ACSBG1: variants seen among roughly 807,000 people sequenced by gnomAD.
The protein encoded by ACSBG1 is long-chain-fatty-acid--CoA ligase ACSBG1.
In ACSBG1, 39 loss-of-function variants were observed where a neutral mutation model predicts 80.2. That is an observed-to-expected ratio of 0.49 (90% CI 0.38 to 0.64). ACSBG1 has a LOEUF of 0.64. ACSBG1 is among the 30% of genes least tolerant of loss of function. The probability of loss-of-function intolerance (pLI) is 0.00; values close to 1 mark genes in which losing one functional copy is unlikely to be tolerated. For synonymous variants in ACSBG1, 392 were observed against 379.5 expected (o/e 1.03, Z -0.38); for missense variants, 828 against 966.4 (o/e 0.86, Z 1.90).
chr15:78,207,926 C>CCACCCCCCCCACCCCCA, intron 2 of ACSBG1, 76 bp downstream of exon 2: 1 of 662,148 alleles, frequency 1.5e-6, no homozygotes, highest in Non-Finnish European at 2.7e-6. Context: ...GTCCCCCACA[C>CCACCCCCCCCACCCCCA]CACCCACCCC....
In ACSBG1 at chr15:78,223,237, G is replaced by A. The variant is rs139956914; in HGVS notation, c.131+11134C>T. On this transcript the variant is annotated intron_variant, in intron 1 of 13. Transcript: ENST00000258873. ...GAAGAAGCCACACAGAAATAGAGGC[G>A]CTGAACAATGAGAGCACATGGACAT... is the stretch of plus-strand genomic sequence containing the variant. Among the ~76,000 whole-genome samples the A allele has an allele frequency of 6.0e-3, 868 of 145,252 alleles. 14 individuals are homozygous for A. Among genetic ancestry groups the A allele is most frequent in the African/African-American group, 0.02 (805 of 39,332 alleles).
intron 13 of ACSBG1, 187 bp from the exon 14 acceptor site, chr15:78,171,716 T>C (rs2074825383): frequency 1.8e-6 from 1 of 543,582 alleles, no homozygotes. Flanking sequence ...TGTAGTCTCC[T>C]GTGTTATACC....
chr15:78,178,909 C>T lies in ACSBG1; in HGVS notation c.1485-78G>A. 1 of 1,415,144 alleles carries T rather than the reference C, an allele frequency of 7.1e-7. No individual in the cohort carries two copies. Among genetic ancestry groups the T allele is most frequent in the Non-Finnish European group, 9.5e-7 (1 of 1,054,274 alleles). 87.7% of individuals were successfully genotyped at this position (1,415,144 alleles called of 1,614,324 possible). Reference sequence around the variant, plus strand: ...CCCCACTGGGGAGCCGGGGTCCCAACTGCTCGGTCTTCACTGATTGCTAGA... The same window carrying T: ...CCCCACTGGGGAGCCGGGGTCCCAATTGCTCGGTCTTCACTGATTGCTAGA... On this transcript the variant is annotated intron_variant, in intron 10 of 13. Coordinates refer to ENST00000258873, the MANE Select transcript of ACSBG1 (RefSeq NM_015162.5). This position sits in a 1 kb window ranked among gnomAD's most constrained non-coding sequence, Gnocchi z 4.3.
chr15:78,232,543 T>C (rs2141397360), intron 1 of ACSBG1, among the ~76,000 whole-genome samples: 1 of 152,310 alleles, frequency 6.6e-6, no homozygotes, highest in Non-Finnish European at 1.5e-5. Context: ...CCTGTGGCCC[T>C]GAGCCCCACT....
chr15:78,199,585 G>A (rs924033093), intron 2 of ACSBG1, among the ~76,000 whole-genome samples: 4 of 151,610 alleles, frequency 2.6e-5, no homozygotes, highest in Admixed American at 6.6e-5. Context: ...GTAAAGTAAC[G>A]CATATGCTAA....
At chr15:78,184,319 C>T (rs1449104514) in intron 5 of ACSBG1, among the ~76,000 whole-genome samples, 1 of 151,996 alleles carries the variant, frequency 6.6e-6, no homozygotes, top group Non-Finnish European at 1.5e-5. Context: ...TACATGTTCA[C>T]ACCACCACAT....
Position 78,207,976 on chromosome 15 carries a change from CACCCTA to C in ACSBG1, c.232+20_232+25del. On this transcript the variant is annotated intron_variant, in intron 2 of 13. Transcript: ENST00000258873. ...CACAGCACAGTTTCCCGCCCTGCCCCACCCTACCACCCCCAGCTGGCTTACCTGGAG... is the reference window on the plus strand; with the variant it reads ...CACAGCACAGTTTCCCGCCCTGCCCCCCACCCCCAGCTGGCTTACCTGGAG... 6.9e-7 allele frequency: 1 copy of C among 1,443,844 alleles called. No individual in the cohort carries two copies. Among genetic ancestry groups the C allele is most frequent in the Non-Finnish European group, 9.7e-7 (1 of 1,027,586 alleles). The allele number at this position is 1,443,844 out of a possible 1,614,324, so 89.4% of individuals were successfully genotyped here.
At chr15:78,195,301 G>A (rs2075103528) in intron 2 of ACSBG1, among the ~76,000 whole-genome samples, 1 of 152,184 alleles carries the variant, frequency 6.6e-6, no homozygotes, top group South Asian at 2.1e-4. Flanking sequence ...TTCACAGCAT[G>A]GGTTTGGAGA....
rs181170316 is a variant in ACSBG1, at chr15:78,167,786, C to T, written c.*3658G>A. The stretch of plus-strand genomic sequence containing the variant: ...TTTGTCCTTTGAGTCTGGCTTATTT[C>T]ACTTAGCGTAATATCTTCAAAGTTG... On this transcript the variant is annotated 3_prime_UTR_variant, in exon 14 of 14. Transcript: ENST00000258873. The T allele has an allele frequency of 6.6e-6, 1 of 152,156 alleles. No individual in the cohort carries two copies. The highest frequency in any genetic ancestry group is 1.5e-5 in the Non-Finnish European group (1 of 68,028). 9.4% of individuals were successfully genotyped at this position (152,156 alleles called of 1,614,324 possible).
In ACSBG1 at chr15:78,180,912, C is replaced by G; in HGVS notation, c.1096G>C (p.Glu366Gln). ...CCCATGTGTGATGTGGGCTCCACCT[C>G]CCGCAGCGTGTTCACCAGGCTCCCC... ...LKGSLVNTLR[E>Q]VEPTSHMGVP... is the part of the protein sequence containing the mutation. The change falls in exon 9 of 14, where the codon GAG becomes CAG. Residue 366 changes from glutamate (E) to glutamine (Q), a missense_variant. By Grantham distance (29) the Glu-to-Gln change is conservative. This residue lies in a region of ACSBG1 where 271 missense variants were observed against 375.9 expected (regional missense o/e 0.72). Coordinates refer to ENST00000258873, the MANE Select transcript of ACSBG1 (RefSeq NM_015162.5). 6.2e-7 allele frequency: 1 copy of G among 1,614,148 alleles called. No individual in the cohort carries two copies. Among genetic ancestry groups the G allele is most frequent in the Non-Finnish European group, 8.5e-7 (1 of 1,180,000 alleles).
At chr15:78,181,088 A>C in intron 8 of ACSBG1, 152 bp from the exon 9 acceptor site, 3 of 889,312 alleles carry the variant, frequency 3.4e-6, no homozygotes, top group Middle Eastern at 3.4e-4. Flanking sequence ...CTGTTTCCTC[A>C]ATGGCTGTCG....
intron 5 of ACSBG1, among the ~76,000 whole-genome samples, chr15:78,187,132 T>C (rs1432114552): frequency 1.3e-5 from 2 of 152,180 alleles, no homozygotes; most frequent in Non-Finnish European, 2.9e-5. Flanking sequence ...AGGAAGAAGT[T>C]GACTCTCTGA....
Position 78,169,114 on chromosome 15 carries a change from C to T in ACSBG1, c.*2330G>A. ...TTGGTTTGCTTGTTTCTTGACAGTA[C>T]ATTTTTAGATCTGGCCTTTTCTTAA... On this transcript the variant is annotated 3_prime_UTR_variant, in exon 14 of 14. Coordinates refer to ENST00000258873, the MANE Select transcript of ACSBG1 (RefSeq NM_015162.5). 3.2e-6 allele frequency: 2 copies of T among 616,814 alleles called. No individual in the cohort carries two copies. Among genetic ancestry groups the T allele is most frequent in the Non-Finnish European group, 2.7e-6 (1 of 363,948 alleles). The allele number at this position is 616,814 out of a possible 1,614,324, so 38.2% of individuals were successfully genotyped here.
At chr15:78,213,864 G>A (rs1289998011) in intron 1 of ACSBG1, 3 of 152,226 alleles carry the variant, frequency 2.0e-5, no homozygotes, top group Admixed American at 6.5e-5. Flanking sequence ...TTCTCTCCAC[G>A]GCCCTGCAAT....
chr15:78,202,336 G>C (rs983729670), intron 2 of ACSBG1, among the ~76,000 whole-genome samples: 6 of 150,790 alleles, frequency 4.0e-5, no homozygotes, highest in Admixed American at 4.0e-4. Flanking sequence ...TCAGCCTCCC[G>C]AGTAGCTGGG....
intron 2 of ACSBG1, among the ~76,000 whole-genome samples, chr15:78,203,546 A>G (rs570235842): frequency 6.6e-6 from 1 of 152,092 alleles, no homozygotes; most frequent in South Asian, 2.1e-4. Flanking sequence ...TCCCTCTGCC[A>G]CTTGTCTTGG....
In ACSBG1 at chr15:78,174,380, C is replaced by A; in HGVS notation, c.1842+5G>T. On this transcript the variant is annotated splice_donor_5th_base_variant and intron_variant, in intron 12 of 13. Coordinates refer to ENST00000258873, the MANE Select transcript of ACSBG1 (RefSeq NM_015162.5). The stretch of plus-strand genomic sequence containing the variant: ...TCCTTCTGAGCTGGAGCCCCCCAGA[C>A]ACACCTTCAAGGTGAGCAGCATGGA... 1 of 1,614,198 alleles carries A rather than the reference C, an allele frequency of 6.2e-7. No individual in the cohort carries two copies. The highest frequency in any genetic ancestry group is 1.1e-5 in the South Asian group (1 of 91,086).
At position 78,211,922 on chromosome 15, in the gene ACSBG1, C is replaced by T. The variant is rs1047929156; in HGVS notation, c.132-3820G>A. On this transcript the variant is annotated intron_variant, in intron 1 of 13. Transcript: ENST00000258873. ...CATGGCTTGACAGCTGGGGCCGCTT[C>T]TGATTCAGCTCTGTCCTCTGGCCAT... is the stretch of plus-strand genomic sequence containing the variant. Among the ~76,000 whole-genome samples, 8 of 152,308 alleles carry T rather than the reference C, an allele frequency of 5.3e-5. No individual in the cohort carries two copies. The East Asian group carries it at 1.5e-3, about 29-fold the overall frequency.
rs1490440951 is a variant in ACSBG1, at chr15:78,193,500, C to T, written c.663+6G>A. ...TGACCCCATGCCCACTGCCTCTTCC[C>T]CAAACCTTCAGGATCTTTTCCAGCT... On this transcript the variant is annotated splice_donor_region_variant and intron_variant, in intron 5 of 13. Coordinates refer to ENST00000258873, the MANE Select transcript of ACSBG1 (RefSeq NM_015162.5). 5 of 1,606,564 alleles carry T rather than the reference C, an allele frequency of 3.1e-6. No individual in the cohort carries two copies. Among genetic ancestry groups the T allele is most frequent in the Non-Finnish European group, 4.3e-6 (5 of 1,175,848 alleles).
Sources: allele counts gnomAD v4.1 joint callset (sites outside exome capture counted in the v4.1 genomes callset), GRCh38; gene constraint gnomAD v4.1.1; regional missense constraint gnomAD v4.1.1; non-coding constraint Gnocchi (gnomAD v3.1); transcripts MANE v1.5; gene names NCBI Gene and HGNC (gene_info 2026-07-23, HGNC 2026-07-21).